The following CAMTA1 variants were observed in gnomAD, a reference collection of about 807,000 sequenced individuals.
CAMTA1 encodes the protein calmodulin binding transcription activator 1, also known as calmodulin-binding transcription activator 1.
In CAMTA1, 27 loss-of-function variants were observed where a neutral mutation model predicts 170.9. The ratio of observed to expected loss-of-function variants is 0.16; its 90% CI spans 0.12 to 0.22. The LOEUF is 0.22. CAMTA1 is among the 10% of genes least tolerant of loss of function. CAMTA1 has a pLI of 1.00. For synonymous variants in CAMTA1, 833 were observed against 891.5 expected (o/e 0.93, Z 1.17); for missense variants, 1,619 against 2,217.2 (o/e 0.73, Z 5.42).
chr1:7,704,750 G>A (rs1182081761), intron 11 of CAMTA1, among the ~76,000 whole-genome samples: 1 of 148,024 alleles, frequency 6.8e-6, no homozygotes, highest in African/African-American at 2.4e-5. Flanking sequence ...GGAGCCCCGC[G>A]AGTCGTTCCA....
chr1:7,451,308 T>C (rs1213051028), intron 5 of CAMTA1, among the ~76,000 whole-genome samples: 3 of 152,142 alleles, frequency 2.0e-5, no homozygotes, highest in Admixed American at 6.5e-5. Flanking sequence ...TGCACTGAGC[T>C]CTGCAGCTGC....
chr1:7,704,364 G>A (rs2096481116), intron 11 of CAMTA1, among the ~76,000 whole-genome samples: 1 of 146,102 alleles, frequency 6.8e-6, no homozygotes. Flanking sequence ...GTCGGGCTCC[G>A]AGCCGTCCCG....
At chr1:7,431,832 G>A (rs1003225698) in intron 5 of CAMTA1, among the ~76,000 whole-genome samples, 6 of 152,100 alleles carry the variant, frequency 3.9e-5, no homozygotes, top group Non-Finnish European at 8.8e-5. Flanking sequence ...CTAAGCCCCT[G>A]GAGACCACCC....
chr1:7,484,816 C>T (rs1303637774), intron 6 of CAMTA1, among the ~76,000 whole-genome samples: 1 of 152,046 alleles, frequency 6.6e-6, no homozygotes, highest in African/African-American at 2.4e-5. Context: ...TGGCTGTTGT[C>T]ATGACCGTTG....
chr1:6,807,103 T>C, intron 1 of CAMTA1: 3 of 590,304 alleles, frequency 5.1e-6, no homozygotes, highest in South Asian at 2.0e-5. Context: ...GTGCAATATG[T>C]CATAAAGGGA....
chr1:7,550,685 T>C lies in CAMTA1; in HGVS notation c.510+82784T>C, dbSNP rs567137682. On this transcript the variant is annotated intron_variant, in intron 6 of 22. Coordinates refer to ENST00000303635, the MANE Select transcript of CAMTA1 (RefSeq NM_015215.4). ...CGCAGCTGGCCCTCCCCTACCTGAC[T>C]CTGTCTCACACAGTCCTCTCCTACC... 9.2e-5 allele frequency among the ~76,000 whole-genome samples: 12 copies of C among 130,368 alleles called. 1 individual carries two copies. In the South Asian group the frequency reaches 2.8e-3, roughly 30 times the overall value. 85.5% of individuals were successfully genotyped at this position (130,368 alleles called of 152,430 possible).
At chr1:7,328,285 G>A (rs1404878612) in intron 5 of CAMTA1, among the ~76,000 whole-genome samples, 5 of 152,082 alleles carry the variant, frequency 3.3e-5, no homozygotes. Flanking sequence ...TTGAGCTCAG[G>A]AGTTTGAGAC....
chr1:6,888,594 G>A (rs1410076373), intron 3 of CAMTA1, among the ~76,000 whole-genome samples: 3 of 152,266 alleles, frequency 2.0e-5, no homozygotes, highest in African/African-American at 7.2e-5. Flanking sequence ...GTAAATTTTG[G>A]CATCGAGTAA....
At chr1:7,480,730 G>C (rs1178433116) in intron 6 of CAMTA1, among the ~76,000 whole-genome samples, 1 of 152,088 alleles carries the variant, frequency 6.6e-6, no homozygotes, top group African/African-American at 2.4e-5. Flanking sequence ...CTATCCCTGA[G>C]CTGCTGAGGC....
chr1:7,292,818 G>A (rs1446054134), intron 5 of CAMTA1, among the ~76,000 whole-genome samples: 1 of 152,086 alleles, frequency 6.6e-6, no homozygotes, highest in Non-Finnish European at 1.5e-5. Context: ...CCCTTCATGG[G>A]CTCAGTTCCC....
chr1:7,194,304 T>A (rs1475731740), intron 4 of CAMTA1, among the ~76,000 whole-genome samples: 3 of 152,224 alleles, frequency 2.0e-5, no homozygotes, highest in Non-Finnish European at 4.4e-5. Flanking sequence ...TAGTTACTGT[T>A]TTTTAATACT....
intron 4 of CAMTA1, among the ~76,000 whole-genome samples, chr1:7,211,560 G>A (rs144668242): frequency 2.8e-4 from 43 of 152,252 alleles, no homozygotes; most frequent in Non-Finnish European, 5.0e-4. Context: ...AGATTCATCC[G>A]TGTTGTTGTT....
rs1672403258 is a variant in CAMTA1, at chr1:7,286,755, G to T, written c.438+37129G>T. Among the ~76,000 whole-genome samples the T allele has an allele frequency of 6.6e-6, 1 of 152,194 alleles. No individual in the cohort carries two copies. Among genetic ancestry groups the T allele is most frequent in the African/African-American group, 2.4e-5 (1 of 41,452 alleles). On this transcript the variant is annotated intron_variant, in intron 5 of 22. Coordinates refer to ENST00000303635, the MANE Select transcript of CAMTA1 (RefSeq NM_015215.4). The surrounding 1 kb of genome is among the most constrained non-coding windows in gnomAD (Gnocchi z 4.2). Reference sequence around the variant, plus strand: ...CAAGTTAGAGATTTGGGGAGCTATTGAGGCTGAGTGGAAAGAGTGAAAATC... The same window carrying T: ...CAAGTTAGAGATTTGGGGAGCTATTTAGGCTGAGTGGAAAGAGTGAAAATC...
At chr1:6,785,790 C>G (rs969013741) in intron 1 of CAMTA1, among the ~76,000 whole-genome samples, 1 of 138,138 alleles carries the variant, frequency 7.2e-6, no homozygotes, top group Non-Finnish European at 1.6e-5. Flanking sequence ...AGCGCGGCGC[C>G]CCACACCCCA....
chr1:6,954,520 C>A (rs1689096620), intron 3 of CAMTA1, among the ~76,000 whole-genome samples: 1 of 152,214 alleles, frequency 6.6e-6, no homozygotes. Flanking sequence ...ATTTTGAGGT[C>A]TGAGTTTTCC....
intron 3 of CAMTA1, among the ~76,000 whole-genome samples, chr1:7,061,540 T>C (rs530797883): frequency 1.2e-5 from 1 of 82,928 alleles, no homozygotes; most frequent in African/African-American, 7.4e-5. Flanking sequence ...GTACCAAGTG[T>C]TGGGGAAGGC....
At chr1:7,587,627 G>A (rs999553010) in intron 6 of CAMTA1, among the ~76,000 whole-genome samples, 3 of 152,090 alleles carry the variant, frequency 2.0e-5, no homozygotes, top group Non-Finnish European at 4.4e-5. Context: ...TGTTTACATG[G>A]TTGAGGGGGA....
At chr1:7,280,239 G>A (rs777015955) in intron 5 of CAMTA1, among the ~76,000 whole-genome samples, 8 of 152,204 alleles carry the variant, frequency 5.3e-5, no homozygotes, top group African/African-American at 1.4e-4. Flanking sequence ...CATCTGGCTC[G>A]CCAGTCAGCG....
chr1:6,930,892 C>T (rs1034798064), intron 3 of CAMTA1, among the ~76,000 whole-genome samples: 1 of 152,372 alleles, frequency 6.6e-6, no homozygotes, highest in African/African-American at 2.4e-5. Flanking sequence ...TCTCCTCCCT[C>T]AGCCTGGCTC....
Sources: allele counts gnomAD v4.1 joint callset (sites outside exome capture counted in the v4.1 genomes callset), GRCh38; gene constraint gnomAD v4.1.1; non-coding constraint Gnocchi (gnomAD v3.1); transcripts MANE v1.5; gene names NCBI Gene and HGNC (gene_info 2026-07-23, HGNC 2026-07-21).